Variants in HS6ST1 observed in about 807,000 individuals in gnomAD.
The protein encoded by HS6ST1 is heparan sulfate 6-O-sulfotransferase 1.
A neutral mutation model predicts 25.2 loss-of-function variants in HS6ST1; 3 were observed. The ratio of observed to expected loss-of-function variants is 0.12; its 90% CI spans 0.05 to 0.31. The LOEUF (loss-of-function observed/expected upper bound fraction) is 0.31. Among genes scored for constraint, HS6ST1 ranks in the 10% least tolerant of loss-of-function variants. HS6ST1 has a pLI of 1.00. For synonymous variants in HS6ST1, 204 were observed against 275.1 expected (o/e 0.74, Z 2.56); for missense variants, 310 against 609.6 (o/e 0.51, Z 5.18).
intron 1 of HS6ST1, among the ~76,000 whole-genome samples, chr2:128,283,630 C>T (rs1693818518): frequency 6.6e-6 from 1 of 152,200 alleles, no homozygotes; most frequent in Non-Finnish European, 1.5e-5. Context: ...ATGTCCTGGT[C>T]CTCGTGAGCA....
At chr2:128,294,188 C>T (rs1694001408) in intron 1 of HS6ST1, among the ~76,000 whole-genome samples, 1 of 152,246 alleles carries the variant, frequency 6.6e-6, no homozygotes, top group Non-Finnish European at 1.5e-5. Flanking sequence ...CCTGAGACCC[C>T]ACATGGCTCT....
At chr2:128,269,288 C>T (rs182694110) in intron 1 of HS6ST1, among the ~76,000 whole-genome samples, 16 of 152,142 alleles carry the variant, frequency 1.1e-4, no homozygotes, top group Middle Eastern at 3.4e-3. Context: ...CAGGGGCCAG[C>T]GAGGGTCACC....
At chr2:128,289,412 T>C (rs1037736427) in intron 1 of HS6ST1, among the ~76,000 whole-genome samples, 2 of 152,154 alleles carry the variant, frequency 1.3e-5, no homozygotes, top group African/African-American at 2.4e-5. Context: ...TAGATCCCCC[T>C]GCAGATGGGC....
chr2:128,269,191 C>G (rs1000199231), intron 1 of HS6ST1, among the ~76,000 whole-genome samples: 8 of 152,210 alleles, frequency 5.3e-5, no homozygotes, highest in African/African-American at 1.9e-4. Context: ...AGAGCCACAG[C>G]CGCCTGAGGC....
At chr2:128,307,784 C>T (rs557289683) in intron 1 of HS6ST1, among the ~76,000 whole-genome samples, 3 of 152,282 alleles carry the variant, frequency 2.0e-5, no homozygotes, top group Admixed American at 6.5e-5. Flanking sequence ...TCGGGAACCA[C>T]GGGCACAGCA....
At chr2:128,293,567 C>T (rs1693992330) in intron 1 of HS6ST1, among the ~76,000 whole-genome samples, 1 of 152,214 alleles carries the variant, frequency 6.6e-6, no homozygotes. Context: ...CCGAGGGGCG[C>T]TTCCCGGGGC....
At position 128,266,561 on chromosome 2, in the gene HS6ST1, C is replaced by G. The variant is rs1483283688; in HGVS notation, c.*1601G>C. 1 of 152,380 alleles carries G rather than the reference C, an allele frequency of 6.6e-6. No individual in the cohort carries two copies. Among genetic ancestry groups the G allele is most frequent in the Admixed American group, 6.5e-5 (1 of 15,294 alleles). The allele number at this position is 152,380 out of a possible 1,614,324, so 9.4% of individuals were successfully genotyped here. On this transcript the variant is annotated 3_prime_UTR_variant, in exon 2 of 2. Transcript: ENST00000259241. ...ACCCCAGCTTCGGCTTCCTGTGCTG[C>G]AGAAGGCGCTTGCTCCCAAGCCCGT... is the stretch of plus-strand genomic sequence containing the variant.
intron 1 of HS6ST1, among the ~76,000 whole-genome samples, chr2:128,282,639 TGGCAG>T (rs1268473582): frequency 1.3e-5 from 2 of 152,138 alleles, no homozygotes; most frequent in Non-Finnish European, 2.9e-5. Flanking sequence ...AGGCAGGAAG[TGGCAG>T]GGTGGGGACA....
chr2:128,280,155 A>G (rs1693762911), intron 1 of HS6ST1, among the ~76,000 whole-genome samples: 1 of 152,186 alleles, frequency 6.6e-6, no homozygotes, highest in Non-Finnish European at 1.5e-5. Flanking sequence ...TGCCTCTGAC[A>G]GCACCAAGCA....
intron 1 of HS6ST1, among the ~76,000 whole-genome samples, chr2:128,304,292 G>T (rs1244265563): frequency 6.6e-6 from 1 of 152,184 alleles, no homozygotes. Flanking sequence ...GCTGGGGGAT[G>T]CTGCCAGCCA....
chr2:128,270,344 G>A (rs1448749962), intron 1 of HS6ST1, among the ~76,000 whole-genome samples: 3 of 152,270 alleles, frequency 2.0e-5, no homozygotes, highest in South Asian at 2.1e-4. Context: ...CAGCAGGGGC[G>A]AGAGCAGGCC....
At chr2:128,305,053 T>C (rs1416424865) in intron 1 of HS6ST1, among the ~76,000 whole-genome samples, 1 of 152,216 alleles carries the variant, frequency 6.6e-6, no homozygotes, top group East Asian at 1.9e-4. Context: ...TATGAGGGCC[T>C]CCTAAGCTCT....
Position 128,318,353 on chromosome 2 carries a change from G to T in HS6ST1, c.211C>A (p.Pro71Thr). 1.9e-6 allele frequency: 3 copies of T among 1,612,284 alleles called. No individual in the cohort carries two copies. Among genetic ancestry groups the T allele is most frequent in the Non-Finnish European group, 2.5e-6 (3 of 1,179,642 alleles). ...DPHYEKKYYF[P>T]VRELERSLRF... ...AGCGAGCGCTCCAGCTCGCGGACCG[G>T]GAAGTAGTACTTCTTCTCGTAGTGG... The change falls in exon 1 of 2, where the codon CCG (proline) becomes ACG (threonine). Residue 71 changes from proline to threonine, a missense_variant. By Grantham distance (38) the Pro-to-Thr change is conservative (BLOSUM62 -1). Transcript: ENST00000259241. The surrounding 1 kb of genome is among the most constrained non-coding windows in gnomAD (Gnocchi z 5.7).
intron 1 of HS6ST1, among the ~76,000 whole-genome samples, chr2:128,271,998 C>G (rs115871422): frequency 6.6e-6 from 1 of 152,212 alleles, no homozygotes; most frequent in Non-Finnish European, 1.5e-5. Context: ...ATACCCAGGT[C>G]CCCTGGGCGT....
chr2:128,293,145 C>T (rs907452569), intron 1 of HS6ST1, among the ~76,000 whole-genome samples: 1 of 152,148 alleles, frequency 6.6e-6, no homozygotes, highest in Admixed American at 6.5e-5. Flanking sequence ...TGCAGTGGGG[C>T]CCAAACCAGC....
At chr2:128,283,983 G>A (rs1214049930) in intron 1 of HS6ST1, among the ~76,000 whole-genome samples, 1 of 152,208 alleles carries the variant, frequency 6.6e-6, no homozygotes, top group African/African-American at 2.4e-5. Flanking sequence ...GAGGCTGGGT[G>A]GCCCTTTCAC....
rs1693898609 is a variant in HS6ST1, at chr2:128,288,398, C to T, written c.528-19528G>A. Among the ~76,000 whole-genome samples the T allele has an allele frequency of 2.0e-5, 3 of 152,190 alleles. No individual in the cohort carries two copies. The South Asian group carries it at 6.2e-4, about 31-fold the overall frequency. On this transcript the variant is annotated intron_variant, in intron 1 of 1. Transcript: ENST00000259241. ...CTCAGGGCCCTGAGGCCAGCCAGCA[C>T]GACTTGATACCTACGCCCGGTGACT...
At chr2:128,305,923 C>T (rs532890137) in intron 1 of HS6ST1, among the ~76,000 whole-genome samples, 2 of 152,304 alleles carry the variant, frequency 1.3e-5, no homozygotes, top group East Asian at 1.9e-4. Flanking sequence ...GGCACTGTGG[C>T]GGACATGAGC....
intron 1 of HS6ST1, among the ~76,000 whole-genome samples, chr2:128,275,044 T>C (rs1013977001): frequency 1.4e-4 from 17 of 121,928 alleles, no homozygotes; most frequent in African/African-American, 5.4e-4. Context: ...GAGCATTTGG[T>C]GGGAAAAAAT....
Sources: allele counts gnomAD v4.1 joint callset (sites outside exome capture counted in the v4.1 genomes callset), GRCh38; gene constraint gnomAD v4.1.1; non-coding constraint Gnocchi (gnomAD v3.1); transcripts MANE v1.5; gene names NCBI Gene and HGNC (gene_info 2026-07-23, HGNC 2026-07-21).